The following RFC3 variants were observed in gnomAD, a reference collection of about 807,000 sequenced individuals.
The protein encoded by RFC3 is replication factor C subunit 3.
RFC3 carries 41 observed loss-of-function variants against 45.1 expected under a neutral mutation model. The ratio of observed to expected loss-of-function variants is 0.91; its 90% CI spans 0.71 to 1.18. RFC3 has a LOEUF of 1.18. Ranked by LOEUF, RFC3 falls within the 50% of genes most tolerant of loss-of-function variation. The probability of loss-of-function intolerance (pLI) is 0.00; values close to 1 mark genes in which losing one functional copy is unlikely to be tolerated. For synonymous variants in RFC3, 149 were observed against 144.0 expected, an observed-to-expected ratio of 1.03 and a Z score of -0.25; for missense variants, 423 against 428.1, an observed-to-expected ratio of 0.99 and a Z score of 0.10.
At chr13:33,886,124 T>C (rs903123290) in intron 8 of RFC3, among the ~76,000 whole-genome samples, 3 of 152,180 alleles carry the variant, frequency 2.0e-5, no homozygotes, top group Non-Finnish European at 2.9e-5. Flanking sequence ...AATCGCCTTT[T>C]GACCACAGAG....
intron 2 of RFC3, among the ~76,000 whole-genome samples, chr13:33,823,382 A>C (rs567268574): frequency 1.3e-5 from 2 of 152,168 alleles, no homozygotes; most frequent in Non-Finnish European, 2.9e-5. Context: ...AGAAAACAAA[A>C]TGTCCATCAG....
chr13:33,837,103 A>C lies in RFC3; in HGVS notation c.*808A>C. 1.1e-6 allele frequency: 1 copy of C among 907,126 alleles called. No individual in the cohort carries two copies. The highest frequency in any genetic ancestry group is 1.3e-6 in the Non-Finnish European group (1 of 758,756). 56.2% of individuals were successfully genotyped at this position (907,126 alleles called of 1,614,324 possible). A position where few individuals can be genotyped will look rare whatever the true frequency, so the allele number is the denominator to read the frequency against. On this transcript the variant is annotated 3_prime_UTR_variant, in exon 9 of 9. Transcript: ENST00000380071. The stretch of plus-strand genomic sequence containing the variant: ...ATTCCTTTACTACGAAGTATAATTT[A>C]TAAAATAAAATATACCCATTTTAAG...
downstream of RFC3, among the ~76,000 whole-genome samples, chr13:33,839,632 G>A (rs182582052): frequency 5.1e-4 from 77 of 152,288 alleles, no homozygotes; most frequent in Admixed American, 4.4e-3. Context: ...CTACTTAACT[G>A]TAGTGGGAAA....
At chr13:33,889,948 C>T (rs1462588728) in intron 8 of RFC3, among the ~76,000 whole-genome samples, 1 of 152,134 alleles carries the variant, frequency 6.6e-6, no homozygotes, top group African/African-American at 2.4e-5. Context: ...TTTTGTTAGC[C>T]TACTATGGAT....
intron 1 of RFC3, among the ~76,000 whole-genome samples, chr13:33,818,953 C>G (rs570898315): frequency 2.1e-5 from 3 of 141,282 alleles, no homozygotes; most frequent in Non-Finnish European, 4.5e-5. Flanking sequence ...TGCAATGGCG[C>G]GGTCTCGGCT....
At chr13:33,969,912 T>G (rs1566046679), downstream of RFC3, among the ~76,000 whole-genome samples, 3 of 147,400 alleles carry the variant, frequency 2.0e-5, no homozygotes, top group East Asian at 2.0e-4. Context: ...TCAGATTTGT[T>G]TTTTTTTTTT....
chr13:33,948,169 C>T (rs953836285), intron 8 of RFC3, among the ~76,000 whole-genome samples: 6 of 152,192 alleles, frequency 3.9e-5, no homozygotes, highest in Non-Finnish European at 8.8e-5. Context: ...GGACCCCCTG[C>T]TCCATGCAGC....
At chr13:33,928,206 G>A (rs528181597) in intron 8 of RFC3, among the ~76,000 whole-genome samples, 1 of 152,206 alleles carries the variant, frequency 6.6e-6, no homozygotes, top group East Asian at 1.9e-4. Flanking sequence ...AAGGGGTGAG[G>A]AGACAAGATT....
chr13:33,820,907 A>T (rs1401512282), intron 1 of RFC3, among the ~76,000 whole-genome samples: 1 of 12,494 alleles, frequency 8.0e-5, no homozygotes, highest in Non-Finnish European at 1.3e-4. Context: ...TTCAGCATAT[A>T]TATATTTATA....
intron 8 of RFC3, among the ~76,000 whole-genome samples, chr13:33,860,963 A>G (rs1454724404): frequency 6.6e-6 from 1 of 151,976 alleles, no homozygotes; most frequent in African/African-American, 2.4e-5. Context: ...GTGCAGTGGT[A>G]TGATCCTAGC....
chr13:33,866,405 T>A (rs1266165166), intron 8 of RFC3, among the ~76,000 whole-genome samples: 2 of 152,208 alleles, frequency 1.3e-5, no homozygotes, highest in Non-Finnish European at 2.9e-5. Flanking sequence ...AAGGGTGTGA[T>A]CCATACAGTT....
Position 33,823,818 on chromosome 13 carries a change from TTTTAC to T in RFC3, c.226-95_226-91del, listed in dbSNP as rs2082025015. 9 of 587,840 alleles carry T rather than the reference TTTTAC, an allele frequency of 1.5e-5. 3 individuals carry two copies. The Admixed American group carries it at 2.8e-4, about 18-fold the overall frequency. 36.4% of individuals were successfully genotyped at this position (587,840 alleles called of 1,614,324 possible). On this transcript the variant is annotated intron_variant, in intron 2 of 8. Coordinates refer to ENST00000380071, the MANE Select transcript of RFC3 (RefSeq NM_002915.4). ...AAACATGAATGGTGGTTATCTCAAG[TTTTAC>T]TTTGTGTAATAAAAGGAAAACCAAT...
intron 8 of RFC3, among the ~76,000 whole-genome samples, chr13:33,888,501 T>TA (rs1195076858): frequency 6.6e-6 from 1 of 152,210 alleles, no homozygotes; most frequent in African/African-American, 2.4e-5. Context: ...GGAAGCCGAG[T>TA]AGCCACAATG....
chr13:33,958,993 A>T (rs534001328), intron 8 of RFC3, among the ~76,000 whole-genome samples: 8 of 152,266 alleles, frequency 5.3e-5, no homozygotes, highest in East Asian at 3.9e-4. Flanking sequence ...CTATTATTTT[A>T]AAAAATTCTG....
At chr13:33,967,757 A>ATTACAG (rs1396831710), downstream of RFC3, among the ~76,000 whole-genome samples, 11 of 151,916 alleles carry the variant, frequency 7.2e-5, no homozygotes, top group Admixed American at 1.3e-4. Context: ...AAGTGCTGGG[A>ATTACAG]TTACAGGTGT....
chr13:33,848,870 A>G (rs1162635381), intron 8 of RFC3: 1 of 152,206 alleles, frequency 6.6e-6, no homozygotes, highest in Non-Finnish European at 1.5e-5. Context: ...GTAAATATTT[A>G]GATTTAGACC....
intron 8 of RFC3, among the ~76,000 whole-genome samples, chr13:33,933,199 A>G (rs2082863430): frequency 6.6e-6 from 1 of 152,088 alleles, no homozygotes; most frequent in South Asian, 2.1e-4. Flanking sequence ...CCTGCTTGCT[A>G]ATGCCGAGCT....
intron 8 of RFC3, chr13:33,849,396 T>G (rs574641351): frequency 6.6e-6 from 1 of 152,134 alleles, no homozygotes; most frequent in Non-Finnish European, 1.5e-5. Flanking sequence ...TAATAAAAGG[T>G]CCTGATCTGT....
chr13:33,833,115 G>A (rs2082119311), intron 7 of RFC3, among the ~76,000 whole-genome samples: 1 of 152,112 alleles, frequency 6.6e-6, no homozygotes, highest in Non-Finnish European at 1.5e-5. Context: ...CCTTGGGGCT[G>A]GCCAGAAATC....
Sources: gnomAD v4.1 joint callset for allele counts (sites outside exome capture counted in the v4.1 genomes callset) on GRCh38, gnomAD v4.1.1 for gene constraint, MANE v1.5 for transcripts, NCBI Gene and HGNC (gene_info 2026-07-23, HGNC 2026-07-21) for gene names.